OTOF: variants seen among roughly 807,000 people sequenced by gnomAD.
OTOF encodes the protein otoferlin, also known as fer-1-like family member 2.
A neutral mutation model predicts 236.8 loss-of-function variants in OTOF; 218 were observed. The ratio of observed to expected loss-of-function variants is 0.92; its 90% confidence interval spans 0.82 to 1.03. OTOF has a LOEUF of 1.03. Among genes scored for constraint, OTOF ranks in the 50% least tolerant of loss-of-function variants. The pLI, the probability that OTOF is intolerant of heterozygous loss-of-function variation, is 0.00. For synonymous variants in OTOF, 1,041 were observed against 1,072.5 expected (o/e 0.97, Z 0.57); for missense variants, 2,590 against 2,694.4 (o/e 0.96, Z 0.86).
intron 4 of OTOF, among the ~76,000 whole-genome samples, 184 bp downstream of exon 4, chr2:26,518,826 G>A (rs780216191): frequency 4.6e-5 from 7 of 152,238 alleles, no homozygotes; most frequent in Non-Finnish European, 1.0e-4. Flanking sequence ...CCATGCCACA[G>A]GGCCTCCAGC....
intron 1 of OTOF, among the ~76,000 whole-genome samples, chr2:26,556,290 A>C (rs937535677): frequency 6.6e-6 from 1 of 152,212 alleles, no homozygotes; most frequent in African/African-American, 2.4e-5. Flanking sequence ...GGAGATGCTA[A>C]GGAACATTGT....
rs759394141 is a variant in OTOF at position 26,477,250 on chromosome 2, C to T, written c.2445G>A (p.Gln815=). The T allele has an allele frequency of 3.1e-6, 5 of 1,609,530 alleles. No homozygotes were observed. The highest frequency in any genetic ancestry group is 4.2e-6 in the Non-Finnish European group (5 of 1,179,118). ...TGTCCCGCACCGTGTGCCGCTTCAC[C>T]TGGGCCCGCAGCATCCTGGCCTGCT... is the stretch of plus-strand genomic sequence containing the variant. ...MGQQARMLRA[Q]VKRHTVRDKL... The change falls in exon 21 of 47, where the codon CAG becomes CAA. Residue 815 remains glutamine, a synonymous_variant. Coordinates refer to ENST00000272371, the MANE Select transcript of OTOF (RefSeq NM_194248.3). The surrounding 1 kb of genome is among the most constrained non-coding windows in gnomAD (Gnocchi z 4.7).
chr2:26,552,655 T>A (rs942405277), intron 1 of OTOF, among the ~76,000 whole-genome samples: 1 of 152,178 alleles, frequency 6.6e-6, no homozygotes, highest in African/African-American at 2.4e-5. Flanking sequence ...TGCAATGGCT[T>A]GCTCTGGGGG....
chr2:26,468,298 G>A, intron 33 of OTOF, 110 bp downstream of exon 33: 2 of 837,090 alleles, frequency 2.4e-6, no homozygotes, highest in Admixed American at 1.7e-5. Context: ...GGCTACTAAG[G>A]CTGGGAGGGC....
chr2:26,466,444 T>G (rs930562659), intron 36 of OTOF: 1 of 515,688 alleles, frequency 1.9e-6, no homozygotes, highest in Non-Finnish European at 3.5e-6. Context: ...TCAAGCGATT[T>G]TCCTGCCTCA....
chr2:26,475,476 C>G lies in OTOF; in HGVS notation c.3009G>C (p.Leu1003=). 6.2e-7 allele frequency: 1 copy of G among 1,612,838 alleles called. No homozygotes were observed. The highest frequency in any genetic ancestry group is 8.5e-7 in the Non-Finnish European group (1 of 1,179,886). ...SQCTEVLNET[L]CPTWDQMLVF... ...CCAGCATCTGGTCCCAGGTGGGACA[C>G]AGGGTCTCATTCAGCACCTGCAGCA... Residue 1003 remains leucine (L), a synonymous_variant, in exon 25 of 47, where the codon CTG becomes CTC. Transcript: ENST00000272371.
chr2:26,477,888 C>T lies in OTOF; in HGVS notation c.2215-139G>A. On this transcript the variant is annotated intron_variant, in intron 18 of 46. Transcript: ENST00000272371. The surrounding 1 kb of genome is among the most constrained non-coding windows in gnomAD (Gnocchi z 4.7). The stretch of plus-strand genomic sequence containing the variant: ...CGCTAGGGCCATCCTGAGTATCGGT[C>T]ATCATGAGGAAGTCATCAATTTCCC... 1.9e-6 allele frequency: 3 copies of T among 1,543,366 alleles called. No individual in the cohort carries two copies. Among genetic ancestry groups the T allele is most frequent in the Non-Finnish European group, 2.6e-6 (3 of 1,142,424 alleles).
Position 26,458,002 on chromosome 2 carries a change from G to A in OTOF, c.*236C>T, listed in dbSNP as rs755346088. The stretch of plus-strand genomic sequence containing the variant: ...AGTCCAAGCCACTGAAAGGAAATGC[G>A]GCAGGGCTGGGGAGCGGCTGGCGGG... On this transcript the variant is annotated 3_prime_UTR_variant, in exon 47 of 47. Transcript: ENST00000272371. 1.1e-5 allele frequency: 18 copies of A among 1,591,150 alleles called. No individual in the cohort carries two copies. Among genetic ancestry groups the A allele is most frequent in the South Asian group, 4.5e-5 (4 of 88,578 alleles).
intron 41 of OTOF, among the ~76,000 whole-genome samples, 173 bp downstream of exon 41, chr2:26,463,310 C>T (rs767260709): frequency 2.6e-5 from 4 of 152,226 alleles, no homozygotes; most frequent in Non-Finnish European, 5.9e-5. Context: ...TAAACTCTAT[C>T]GATTGGTTGG....
chr2:26,546,499 C>A (rs1490502729), intron 1 of OTOF, among the ~76,000 whole-genome samples: 1 of 151,918 alleles, frequency 6.6e-6, no homozygotes, highest in African/African-American at 2.4e-5. Flanking sequence ...ATAAGTGGAC[C>A]CATGTTGTTC....
rs1179940273 is a variant in OTOF at position 26,457,818 on chromosome 2, G to T, written c.*420C>A. 7.2e-6 allele frequency: 4 copies of T among 557,588 alleles called. No individual in the cohort carries two copies. Among genetic ancestry groups the T allele is most frequent in the South Asian group, 4.7e-5 (2 of 42,960 alleles). The allele number at this position is 557,588 out of a possible 1,614,324, so 34.5% of individuals were successfully genotyped here. A position where few individuals can be genotyped will look rare whatever the true frequency, so the allele number is the denominator to read the frequency against. On this transcript the variant is annotated 3_prime_UTR_variant, in exon 47 of 47. Transcript: ENST00000272371. The surrounding 1 kb of genome is among the most constrained non-coding windows in gnomAD (Gnocchi z 4.4). ...ATTCCAGGTCCCCACCCCATCCAAG[G>T]CTCCCCAGCCCACAGGCAGGGGTCA...
chr2:26,489,220 A>C lies in OTOF; in HGVS notation c.1036T>G (p.Ser346Ala), dbSNP rs758095040. 6.2e-7 allele frequency: 1 copy of C among 1,611,810 alleles called. No homozygotes were observed. Among genetic ancestry groups the C allele is most frequent in the Non-Finnish European group, 8.5e-7 (1 of 1,179,054 alleles). Residue 346 changes from serine (S) to alanine (A), a missense_variant, in exon 11 of 47, where the codon TCG becomes GCG. By Grantham distance (99) the Ser-to-Ala change is moderately conservative. Around this residue, in one of 2 missense-constraint regions of OTOF, gnomAD observed 1,379 missense variants for 1,341.6 expected, o/e 1.03. Coordinates refer to ENST00000272371, the MANE Select transcript of OTOF (RefSeq NM_194248.3). ...ATGCGCAGGTACTCACCTGGCTGCG[A>C]GTACACGGTTCCCACGTCCATTTTG... ...SFKMDVGTVY[S>A]QPEHQFHHKW...
intron 11 of OTOF, among the ~76,000 whole-genome samples, chr2:26,488,817 G>A (rs1314804891): frequency 2.0e-5 from 3 of 152,210 alleles, no homozygotes; most frequent in Admixed American, 2.0e-4. Context: ...CAGCCCAGGA[G>A]GCAGGAGTCT....
chr2:26,475,396 GGC>G lies in OTOF; in HGVS notation c.3087_3088del (p.Pro1030HisfsTer5). The stretch of plus-strand genomic sequence containing the variant: ...GTCATAGATTTCAATGACAATGATG[GGC>G]GGATCGTCCCTCAGCTCATGAGCTT... On this transcript the variant is annotated frameshift_variant, in exon 25 of 47. Coordinates refer to ENST00000272371, the MANE Select transcript of OTOF (RefSeq NM_194248.3). LOFTEE classifies it high-confidence loss of function. 6.2e-7 allele frequency: 1 copy of G among 1,613,140 alleles called. No homozygotes were observed. The highest frequency in any genetic ancestry group is 8.5e-7 in the Non-Finnish European group (1 of 1,179,960).
chr2:26,479,228 G>T, intron 18 of OTOF, 36 bp downstream of exon 18: 1 of 1,610,066 alleles, frequency 6.2e-7, no homozygotes, highest in South Asian at 1.1e-5. Flanking sequence ...TCTCCCCCAG[G>T]ACCCCACCCC....
rs145758459 is a variant in OTOF at position 26,501,767 on chromosome 2, G to A, written c.752C>T (p.Pro251Leu). 9.3e-6 allele frequency: 15 copies of A among 1,613,482 alleles called. No individual in the cohort carries two copies. In the African/African-American group the frequency reaches 2.0e-4, roughly 22 times the overall value. Residue 251 changes from proline to leucine, a missense_variant, in exon 8 of 47, where the codon CCC becomes CTC. Pro to Leu is a moderately conservative substitution (Grantham distance 98). This residue lies in a region of OTOF where 1,379 missense variants were observed against 1,341.6 expected (regional missense o/e 1.03). Coordinates refer to ENST00000272371, the MANE Select transcript of OTOF (RefSeq NM_194248.3). The stretch of plus-strand genomic sequence containing the variant: ...GTGCCCACCTACCTGGTAATCCATG[G>A]GCCGCCCAGCACTTGGCTCCATCTT... ...DIKMEPSAGR[P>L]MDYQVSITVI...
intron 15 of OTOF, among the ~76,000 whole-genome samples, 161 bp downstream of exon 15, chr2:26,480,625 G>A (rs56059925): frequency 1.4e-3 from 209 of 152,358 alleles, no homozygotes; most frequent in Non-Finnish European, 2.2e-3. Context: ...CTGTTGCGGG[G>A]CTGAGTGGGG....
At chr2:26,472,251 A>G (rs1257201906) in intron 30 of OTOF, 2 of 505,770 alleles carry the variant, frequency 4.0e-6, no homozygotes, top group South Asian at 2.0e-5. Context: ...CACATACATC[A>G]CATGCATGCA....
At chr2:26,505,718 C>T (rs1311714292) in intron 5 of OTOF, among the ~76,000 whole-genome samples, 1 of 152,216 alleles carries the variant, frequency 6.6e-6, no homozygotes, top group Non-Finnish European at 1.5e-5. Flanking sequence ...TGCCTCGATG[C>T]CGTAGGACTG....
Sources: gnomAD v4.1 joint callset for allele counts (sites outside exome capture counted in the v4.1 genomes callset) on GRCh38, gnomAD v4.1.1 for gene constraint, gnomAD v4.1.1 regional missense constraint, Gnocchi (gnomAD v3.1) non-coding constraint, MANE v1.5 for transcripts, NCBI Gene and HGNC (gene_info 2026-07-23, HGNC 2026-07-21) for gene names.